The following CYB5R4 variants were observed in gnomAD, a reference collection of about 807,000 sequenced individuals.
CYB5R4 encodes the protein cytochrome b5 reductase 4.
In CYB5R4, 55 loss-of-function variants were observed where a neutral mutation model predicts 70.2. That is an observed-to-expected ratio of 0.78 (90% CI 0.63 to 0.98). The LOEUF is 0.98. CYB5R4 is among the 50% of genes least tolerant of loss of function. The pLI is 0.00. For missense variants in CYB5R4, 562 were observed against 612.6 expected (o/e 0.92, Z 0.87); for synonymous variants, 197 against 199.5 (o/e 0.99, Z 0.11).
intron 15 of CYB5R4, among the ~76,000 whole-genome samples, chr6:83,958,408 T>C (rs2099472776): frequency 6.6e-6 from 1 of 152,082 alleles, no homozygotes; most frequent in African/African-American, 2.4e-5. Context: ...TACCTAGCGA[T>C]GTGTGTGTTG....
At chr6:83,922,596 A>C in intron 9 of CYB5R4, 126 bp downstream of exon 9, 2 of 669,756 alleles carry the variant, frequency 3.0e-6, no homozygotes, top group Non-Finnish European at 2.6e-6. Flanking sequence ...TTCACATTGC[A>C]AAACAAAGAT....
intron 2 of CYB5R4, among the ~76,000 whole-genome samples, chr6:83,871,507 A>C (rs1172184481): frequency 6.6e-6 from 1 of 151,218 alleles, no homozygotes; most frequent in African/African-American, 2.4e-5. Flanking sequence ...TCTCCCATTC[A>C]TTAAAAATTT....
chr6:83,910,664 C>G (rs914037538), intron 4 of CYB5R4, among the ~76,000 whole-genome samples: 9 of 152,136 alleles, frequency 5.9e-5, no homozygotes, highest in African/African-American at 1.7e-4. Context: ...TGTGTATATT[C>G]ATGTACAGGT....
At chr6:83,935,540 A>G (rs186129982) in intron 11 of CYB5R4, among the ~76,000 whole-genome samples, 2 of 152,272 alleles carry the variant, frequency 1.3e-5, no homozygotes, top group East Asian at 3.9e-4. Flanking sequence ...TTTTGTATAC[A>G]TTGAGGAGCC....
chr6:83,942,505 G>C (rs2099469928), intron 14 of CYB5R4, among the ~76,000 whole-genome samples: 1 of 152,186 alleles, frequency 6.6e-6, no homozygotes, highest in Admixed American at 6.5e-5. Flanking sequence ...ACACCACCAG[G>C]GCCCTGGGTT....
chr6:83,886,545 A>G (rs1037791009), intron 2 of CYB5R4, among the ~76,000 whole-genome samples: 4 of 152,242 alleles, frequency 2.6e-5, no homozygotes, highest in Non-Finnish European at 5.9e-5. Flanking sequence ...CACATATTGT[A>G]TGATCCCATT....
chr6:83,911,277 AG>A (rs2099464639), intron 4 of CYB5R4, among the ~76,000 whole-genome samples: 1 of 152,082 alleles, frequency 6.6e-6, no homozygotes, highest in Non-Finnish European at 1.5e-5. Context: ...ATTAAAAAAA[AG>A]AATCAGGTCT....
At chr6:83,893,399 T>A (rs1432016287) in intron 2 of CYB5R4, 123 bp from the exon 3 acceptor site, 1 of 618,592 alleles carries the variant, frequency 1.6e-6, no homozygotes, top group African/African-American at 1.9e-5. Flanking sequence ...TCTTGATACT[T>A]TGAAATAACA....
At chr6:83,874,798 AT>A (rs955360733) in intron 2 of CYB5R4, among the ~76,000 whole-genome samples, 1 of 148,092 alleles carries the variant, frequency 6.8e-6, no homozygotes, top group African/African-American at 2.5e-5. Flanking sequence ...CACTTTTTAT[AT>A]TTTTGTCTTT....
intron 3 of CYB5R4, among the ~76,000 whole-genome samples, chr6:83,898,589 C>A (rs891058020): frequency 1.3e-5 from 2 of 152,178 alleles, no homozygotes; most frequent in Non-Finnish European, 2.9e-5. Context: ...ATTCTTCCTA[C>A]CCACGAGCAT....
At chr6:83,914,781 C>A (rs2099465227) in intron 5 of CYB5R4, among the ~76,000 whole-genome samples, 1 of 151,652 alleles carries the variant, frequency 6.6e-6, no homozygotes, top group Non-Finnish European at 1.5e-5. Flanking sequence ...GTGATCTGCC[C>A]ACCTCGGCCT....
intron 10 of CYB5R4, among the ~76,000 whole-genome samples, chr6:83,932,233 A>G (rs1241280646): frequency 2.6e-5 from 4 of 152,206 alleles, no homozygotes; most frequent in Non-Finnish European, 5.9e-5. Flanking sequence ...TTGAAATTAT[A>G]GTCAGGCTTC....
intron 2 of CYB5R4, among the ~76,000 whole-genome samples, chr6:83,870,633 ATAT>A (rs1370070605): frequency 6.6e-6 from 1 of 151,984 alleles, no homozygotes; most frequent in Non-Finnish European, 1.5e-5. Flanking sequence ...AAATAATAAT[ATAT>A]TATTATTACA....
rs930422923 is a variant in CYB5R4, at chr6:83,866,615, G to T, written c.229+2287G>T. 2.6e-4 allele frequency among the ~76,000 whole-genome samples: 37 copies of T among 142,446 alleles called. No individual in the cohort carries two copies. The East Asian group carries it at 2.8e-3, about 11-fold the overall frequency. 93.5% of individuals were successfully genotyped at this position (142,446 alleles called of 152,430 possible). A position where few individuals can be genotyped will look rare whatever the true frequency, so the allele number is the denominator to read the frequency against. On this transcript the variant is annotated intron_variant, in intron 2 of 15. Transcript: ENST00000369681. ...AAGGTGGTTGAATTAATCATGGTTT[G>T]TTTTTTTTTTTTATAAAGGAGACAG...
chr6:83,941,353 A>G (rs925128646), intron 14 of CYB5R4, among the ~76,000 whole-genome samples: 3 of 152,238 alleles, frequency 2.0e-5, no homozygotes, highest in African/African-American at 4.8e-5. Context: ...TCTTTTCACA[A>G]AAAGTGAATT....
chr6:83,955,557 T>A, intron 15 of CYB5R4, 95 bp downstream of exon 15: 1 of 1,159,452 alleles, frequency 8.6e-7, no homozygotes, highest in East Asian at 2.5e-5. Flanking sequence ...TATATGAAAC[T>A]GCACTTTAAT....
chr6:83,963,944 T>A lies in CYB5R4; in HGVS notation c.*4066T>A. ...AAGACCTGGTGGTTTTATCAGGGGTTTCCGCTTTTGCATCTTACTCATTTT... is the reference window on the plus strand; with the variant it reads ...AAGACCTGGTGGTTTTATCAGGGGTATCCGCTTTTGCATCTTACTCATTTT... On this transcript the variant is annotated 3_prime_UTR_variant, in exon 16 of 16. Coordinates refer to ENST00000369681, the MANE Select transcript of CYB5R4 (RefSeq NM_016230.4). The A allele has an allele frequency of 5.0e-6, 1 of 200,408 alleles. No individual in the cohort carries two copies. The highest frequency in any genetic ancestry group is 9.8e-6 in the Non-Finnish European group (1 of 101,872). The allele number at this position is 200,408 out of a possible 1,614,324, so 12.4% of individuals were successfully genotyped here. A position where few individuals can be genotyped will look rare whatever the true frequency, so the allele number is the denominator to read the frequency against.
At chr6:83,914,838 ATTTT>A (rs148327073) in intron 5 of CYB5R4, among the ~76,000 whole-genome samples, 12 of 145,190 alleles carry the variant, frequency 8.3e-5, no homozygotes, top group East Asian at 2.0e-4. Context: ...CCCGGCCTAG[ATTTT>A]TTTTTTTTTT....
intron 3 of CYB5R4, among the ~76,000 whole-genome samples, chr6:83,897,403 G>A (rs1156384874): frequency 1.3e-5 from 2 of 152,188 alleles, no homozygotes; most frequent in African/African-American, 4.8e-5. Context: ...AATCCTTTGG[G>A]TATATACCCA....
Sources: allele counts gnomAD v4.1 joint callset (sites outside exome capture counted in the v4.1 genomes callset), GRCh38; gene constraint gnomAD v4.1.1; transcripts MANE v1.5; gene names NCBI Gene and HGNC (gene_info 2026-07-23, HGNC 2026-07-21).